The following FBN3 variants were observed in gnomAD, a reference collection of about 807,000 sequenced individuals.
The protein encoded by FBN3 is fibrillin-3.
Under a neutral mutation model 330.1 loss-of-function variants are expected in FBN3, and 234 were observed. The ratio of observed to expected loss-of-function variants is 0.71; its 90% CI spans 0.64 to 0.79. The LOEUF (loss-of-function observed/expected upper bound fraction) is 0.79. Ranked by LOEUF, FBN3 falls within the 30% of genes least tolerant of loss-of-function variation. The pLI is 0.00. For missense variants in FBN3, 3,606 were observed against 3,886.9 expected (o/e 0.93, Z 1.92); for synonymous variants, 1,458 against 1,517.3 (o/e 0.96, Z 0.91).
intron 63 of FBN3, among the ~76,000 whole-genome samples, chr19:8,066,602 C>T (rs1017950812): frequency 3.9e-5 from 6 of 152,094 alleles, no homozygotes; most frequent in South Asian, 2.1e-4. Context: ...GTTGGGAGGC[C>T]GGGCGCAGTG....
At chr19:8,090,321 C>A in intron 48 of FBN3, 70 bp from the exon 49 acceptor site, 4 of 1,563,846 alleles carry the variant, frequency 2.6e-6, no homozygotes, top group Non-Finnish European at 3.5e-6. Context: ...TGTGACCTCC[C>A]GCACCCCAGT....
At chr19:8,144,048 C>A (rs2083478763) in intron 6 of FBN3, among the ~76,000 whole-genome samples, 1 of 151,954 alleles carries the variant, frequency 6.6e-6, no homozygotes, top group Non-Finnish European at 1.5e-5. Context: ...GGTACATCCA[C>A]CCTCTTAATT....
intron 16 of FBN3, among the ~76,000 whole-genome samples, chr19:8,130,018 C>T (rs1568439143): frequency 1.3e-5 from 2 of 151,918 alleles, no homozygotes; most frequent in East Asian, 2.0e-4. Flanking sequence ...ATGACTCAGC[C>T]CCCCAAGTAG....
intron 5 of FBN3, among the ~76,000 whole-genome samples, chr19:8,145,342 C>T (rs558752394): frequency 7.4e-6 from 1 of 135,002 alleles, no homozygotes; most frequent in African/African-American, 2.9e-5. Context: ...CCACTGCATT[C>T]CAGCCTGGGC....
chr19:8,118,711 G>T (rs571435510), intron 26 of FBN3, among the ~76,000 whole-genome samples, 186 bp downstream of exon 26: 84 of 152,098 alleles, frequency 5.5e-4, no homozygotes, highest in African/African-American at 1.8e-3. Flanking sequence ...CCGCCATCTT[G>T]CATATAAACC....
At chr19:8,070,775 C>A (rs2081493854) in intron 63 of FBN3, among the ~76,000 whole-genome samples, 1 of 152,130 alleles carries the variant, frequency 6.6e-6, no homozygotes, top group Non-Finnish European at 1.5e-5. Flanking sequence ...GTAATCCCAG[C>A]ACTTTGGGAG....
In FBN3 at chr19:8,096,580, A is replaced by G; in HGVS notation, c.5414-11T>C. ...GACACTCATTCCGTCCTGGGGGTGC[A>G]GAGAGCATGGTGTTCCCAGGGCTCC... On this transcript the variant is annotated splice_polypyrimidine_tract_variant and intron_variant, in intron 43 of 63. Coordinates refer to ENST00000600128, the MANE Select transcript of FBN3 (RefSeq NM_032447.5). This position sits in a 1 kb window ranked among gnomAD's most constrained non-coding sequence, Gnocchi z 4.6. 2 of 1,606,020 alleles carry G rather than the reference A, an allele frequency of 1.2e-6. No individual in the cohort carries two copies. Among genetic ancestry groups the G allele is most frequent in the South Asian group, 2.2e-5 (2 of 90,310 alleles).
At chr19:8,135,935 T>TCCCCCCCCCCCCCCC in intron 13 of FBN3, 26 bp downstream of exon 13, 1 of 1,344,156 alleles carries the variant, frequency 7.4e-7, no homozygotes, top group Non-Finnish European at 1.0e-6. Context: ...CGGAAGCCCC[T>TCCCCCCCCCCCCCCC]GCCCACCCGC....
In FBN3 at chr19:8,121,755, A is replaced by T. The variant is rs1200549546; in HGVS notation, c.3083-369T>A. ...TTTTATTTTTATTACTTATTTATTT[A>T]TTTACTTTTTTAGAGACAGAGTCTT... On this transcript the variant is annotated intron_variant, in intron 24 of 63. Transcript: ENST00000600128. This position sits in a 1 kb window ranked among gnomAD's most constrained non-coding sequence, Gnocchi z 4.5. Among the ~76,000 whole-genome samples the T allele has an allele frequency of 2.7e-5, 4 of 150,686 alleles. No homozygotes were observed. The highest frequency in any genetic ancestry group is 7.3e-5 in the African/African-American group (3 of 41,004).
intron 57 of FBN3, among the ~76,000 whole-genome samples, chr19:8,081,872 A>G (rs1388701650): frequency 2.0e-5 from 3 of 152,162 alleles, no homozygotes; most frequent in African/African-American, 7.2e-5. Context: ...TGTGCAAAAT[A>G]AAAGGAAGAA....
intron 22 of FBN3, among the ~76,000 whole-genome samples, chr19:8,124,539 ATT>A (rs55867844): frequency 0.34 from 44,772 of 132,032 alleles, 7,066 homozygotes; most frequent in South Asian, 0.47. Context: ...TGCCTGGCCA[ATT>A]TTTTTTTTTT....
At chr19:8,133,227 G>T (rs950121258) in intron 13 of FBN3, 121 bp from the exon 14 acceptor site, 1 of 1,258,168 alleles carries the variant, frequency 7.9e-7, no homozygotes, top group Non-Finnish European at 1.1e-6. Flanking sequence ...AGGCAAACAA[G>T]CTGTGGTTGT....
At chr19:8,146,981 C>T (rs2083560946) in intron 3 of FBN3, 123 bp downstream of exon 3, 3 of 850,962 alleles carry the variant, frequency 3.5e-6, no homozygotes, top group East Asian at 5.3e-5. Context: ...GATGCAAGGG[C>T]CATTCCTGTG....
intron 46 of FBN3, 131 bp downstream of exon 46, chr19:8,095,243 AT>A (rs35426475): frequency 0.62 from 535,545 of 867,586 alleles, 151,816 homozygotes; most frequent in East Asian, 0.85. Flanking sequence ...AGTGCTGGGT[AT>A]TTTTTTTTTT....
At chr19:8,115,692 A>C (rs761070835) in intron 29 of FBN3, 52 bp from the exon 30 acceptor site, 3 of 1,600,072 alleles carry the variant, frequency 1.9e-6, no homozygotes, top group Non-Finnish European at 2.6e-6. Flanking sequence ...GGGTGACAGG[A>C]GAGGAAGTAG....
At chr19:8,085,783 G>A (rs2081930217) in intron 55 of FBN3, among the ~76,000 whole-genome samples, 1 of 152,028 alleles carries the variant, frequency 6.6e-6, no homozygotes, top group African/African-American at 2.4e-5. Context: ...GTTCCGGGGT[G>A]TGGCGCCAGT....
intron 63 of FBN3, among the ~76,000 whole-genome samples, chr19:8,066,481 G>T (rs1206388277): frequency 1.3e-5 from 2 of 152,132 alleles, no homozygotes; most frequent in Non-Finnish European, 2.9e-5. Flanking sequence ...GACCAAATAC[G>T]GCATGTTCTC....
intron 6 of FBN3, among the ~76,000 whole-genome samples, chr19:8,144,262 G>A (rs546553579): frequency 5.6e-4 from 85 of 152,040 alleles, no homozygotes; most frequent in African/African-American, 2.0e-3. Context: ...TTAGCTGAGC[G>A]TGGGGATGCC....
In FBN3 at chr19:8,081,198, C is replaced by G. The variant is rs543341481; in HGVS notation, c.7337-79G>C. 3.3e-6 allele frequency: 5 copies of G among 1,503,702 alleles called. No individual in the cohort carries two copies. In the South Asian group the frequency reaches 5.7e-5, roughly 17 times the overall value. The allele number at this position is 1,503,702 out of a possible 1,614,324, so 93.1% of individuals were successfully genotyped here. ...GGCTTCCCAGGGGCTGCCCTTGCCA[C>G]CTCCAGGCAGAGGGGTGACAAGAGA... On this transcript the variant is annotated intron_variant, in intron 58 of 63. Transcript: ENST00000600128.
Sources: allele counts gnomAD v4.1 joint callset (sites outside exome capture counted in the v4.1 genomes callset), GRCh38; gene constraint gnomAD v4.1.1; non-coding constraint Gnocchi (gnomAD v3.1); transcripts MANE v1.5; gene names NCBI Gene and HGNC (gene_info 2026-07-23, HGNC 2026-07-21).